The following DIPK1A variants were observed in gnomAD, a reference collection of about 807,000 sequenced individuals.
The protein encoded by DIPK1A is family with sequence similarity 69 member A.
A neutral mutation model predicts 40.8 loss-of-function variants in DIPK1A; 27 were observed. That is an observed-to-expected ratio of 0.66 (90% confidence interval 0.49 to 0.91). DIPK1A has a LOEUF of 0.91. Among genes scored for constraint, DIPK1A ranks in the 40% least tolerant of loss-of-function variants. The probability of loss-of-function intolerance (pLI) is 0.00; values close to 1 mark genes in which losing one functional copy is unlikely to be tolerated. For synonymous variants in DIPK1A, 166 were observed against 171.3 expected (o/e 0.97, Z 0.24); for missense variants, 412 against 505.7 (o/e 0.81, Z 1.78).
chr1:92,889,543 G>A (rs1322127798), intron 1 of DIPK1A, among the ~76,000 whole-genome samples: 1 of 151,950 alleles, frequency 6.6e-6, no homozygotes, highest in Non-Finnish European at 1.5e-5. Context: ...AATGTCATTG[G>A]TATTTTGATA....
At chr1:92,866,904 T>C (rs1048824571) in intron 2 of DIPK1A, among the ~76,000 whole-genome samples, 4 of 152,194 alleles carry the variant, frequency 2.6e-5, no homozygotes, top group Non-Finnish European at 4.4e-5. Flanking sequence ...TAAATCTCTT[T>C]ATATCACTTT....
At chr1:92,922,200 TTATC>T (rs1456275298) in intron 1 of DIPK1A, among the ~76,000 whole-genome samples, 1 of 131,752 alleles carries the variant, frequency 7.6e-6, no homozygotes, top group Non-Finnish European at 1.7e-5. Context: ...CAATTTTCCT[TTATC>T]TATAGTTTTA....
chr1:92,837,524 T>G, downstream of DIPK1A: 1 of 1,612,338 alleles, frequency 6.2e-7, no homozygotes, highest in South Asian at 1.1e-5. Context: ...CGGAAGCACA[T>G]CATGGGCCAG....
chr1:92,934,989 A>C (rs1302179331), intron 1 of DIPK1A, among the ~76,000 whole-genome samples: 1 of 152,208 alleles, frequency 6.6e-6, no homozygotes, highest in East Asian at 1.9e-4. Context: ...TCTGACAACA[A>C]ATGTGCTCTG....
chr1:92,912,258 C>A (rs1005314746), intron 1 of DIPK1A, among the ~76,000 whole-genome samples: 2 of 151,904 alleles, frequency 1.3e-5, no homozygotes, highest in Non-Finnish European at 2.9e-5. Context: ...GGACTTGTTA[C>A]GAGAATGTTT....
intron 1 of DIPK1A, among the ~76,000 whole-genome samples, chr1:92,903,996 A>G (rs564221154): frequency 1.6e-4 from 24 of 152,310 alleles, no homozygotes; most frequent in Non-Finnish European, 3.1e-4. Context: ...GTAAAACCCT[A>G]TTTTGCAAAA....
chr1:92,833,073 C>T (rs1686973283), intron 4 of DIPK1A: 2 of 720,560 alleles, frequency 2.8e-6, no homozygotes, highest in Non-Finnish European at 5.1e-6. Flanking sequence ...GCGTTTAAAA[C>T]CTTTTGAAAG....
chr1:92,901,404 G>A (rs111886564), intron 1 of DIPK1A, among the ~76,000 whole-genome samples: 3,366 of 152,068 alleles, frequency 0.022, 114 homozygotes, highest in African/African-American at 0.076. Context: ...TCTGTGGCAG[G>A]TTGGATGTAG....
At chr1:92,854,460 G>C (rs935561911) in intron 2 of DIPK1A, among the ~76,000 whole-genome samples, 2 of 152,198 alleles carry the variant, frequency 1.3e-5, no homozygotes, top group African/African-American at 2.4e-5. Context: ...GGCTCCTCAG[G>C]CCTGCCTCCT....
chr1:92,876,466 A>C, intron 1 of DIPK1A, 36 bp from the exon 2 acceptor site: 6 of 1,609,022 alleles, frequency 3.7e-6, no homozygotes, highest in Non-Finnish European at 4.2e-6. Context: ...TCATTCATTC[A>C]GCACCAAATC....
intron 4 of DIPK1A, among the ~76,000 whole-genome samples, chr1:92,845,169 G>A (rs774407361): frequency 7.0e-4 from 106 of 150,888 alleles, no homozygotes; most frequent in Non-Finnish European, 1.0e-3. Flanking sequence ...GGATGGTCTC[G>A]ATCTCCTGAC....
chr1:92,950,648 C>G (rs1651594769), intron 1 of DIPK1A, among the ~76,000 whole-genome samples: 1 of 152,168 alleles, frequency 6.6e-6, no homozygotes, highest in Admixed American at 6.5e-5. Flanking sequence ...TGGGACGACG[C>G]TGCAGTGAGC....
intron 1 of DIPK1A, among the ~76,000 whole-genome samples, chr1:92,909,070 G>C (rs1442169357): frequency 2.0e-5 from 3 of 152,122 alleles, no homozygotes. Context: ...AATTAGGAAA[G>C]TAATATAAAA....
At chr1:92,882,650 T>C (rs1255653646) in intron 1 of DIPK1A, among the ~76,000 whole-genome samples, 2 of 152,240 alleles carry the variant, frequency 1.3e-5, no homozygotes, top group African/African-American at 2.4e-5. Flanking sequence ...AGCCAGTTTG[T>C]TCATTTTCTT....
chr1:92,956,621 T>C (rs1009394298), intron 1 of DIPK1A, among the ~76,000 whole-genome samples: 12 of 152,210 alleles, frequency 7.9e-5, no homozygotes, highest in Middle Eastern at 3.2e-3. Flanking sequence ...ATTACTACTA[T>C]TACCAATTAA....
At position 92,961,395 on chromosome 1, in the gene DIPK1A, C is replaced by A; in HGVS notation, c.35G>T (p.Arg12Met). 6.5e-7 allele frequency: 1 copy of A among 1,531,254 alleles called. No individual in the cohort carries two copies. The highest frequency in any genetic ancestry group is 2.7e-5 in the East Asian group (1 of 36,384). 94.9% of individuals were successfully genotyped at this position (1,531,254 alleles called of 1,614,324 possible). ...ARSLCPGAWLRKPYYLQARFS... is the reference protein window; with the variant it reads ...ARSLCPGAWLMKPYYLQARFS... ...GCCTACCTGGAGGTAATAGGGTTTC[C>A]TTAGCCAGGCCCCCGGACAGAGACT... The change falls in exon 1 of 5, where the codon AGG becomes ATG. Residue 12 changes from arginine to methionine, a missense_variant. Arg to Met is a moderately conservative substitution (Grantham distance 91). Transcript: ENST00000370310.
chr1:92,848,810 T>C (rs1336933000), intron 3 of DIPK1A, among the ~76,000 whole-genome samples: 1 of 152,214 alleles, frequency 6.6e-6, no homozygotes, highest in African/African-American at 2.4e-5. Context: ...TTTTAGAAAT[T>C]GTCTTTAACA....
At chr1:92,872,610 A>G (rs1296266916) in intron 2 of DIPK1A, among the ~76,000 whole-genome samples, 1 of 151,966 alleles carries the variant, frequency 6.6e-6, no homozygotes. Flanking sequence ...GTACTTTTTT[A>G]CATAATGTCT....
chr1:92,843,031 A>G lies in DIPK1A; in HGVS notation c.*352T>C, dbSNP rs768469555. The G allele has an allele frequency of 1.3e-5, 13 of 1,002,926 alleles. No individual in the cohort carries two copies. Among genetic ancestry groups the G allele is most frequent in the Non-Finnish European group, 1.4e-5 (12 of 841,894 alleles). The allele number at this position is 1,002,926 out of a possible 1,614,324, so 62.1% of individuals were successfully genotyped here. ...TGAACAGCAGCTTCAATGCAAACAC[A>G]ATGCTTCCAGCATTGGTATTTTGGC... On this transcript the variant is annotated 3_prime_UTR_variant, in exon 5 of 5. Transcript: ENST00000370310.
Sources: allele counts gnomAD v4.1 joint callset (sites outside exome capture counted in the v4.1 genomes callset), GRCh38; gene constraint gnomAD v4.1.1; transcripts MANE v1.5; gene names NCBI Gene and HGNC (gene_info 2026-07-23, HGNC 2026-07-21).